The following RXFP1 variants were observed in gnomAD, a reference collection of about 807,000 sequenced individuals.
RXFP1 encodes relaxin receptor 1.
A neutral mutation model predicts 89.8 loss-of-function variants in RXFP1; 73 were observed. That is an observed-to-expected ratio of 0.81 (90% CI 0.67 to 0.99). The LOEUF is 0.99. Among genes scored for constraint, RXFP1 ranks in the 50% least tolerant of loss-of-function variants. RXFP1 has a pLI of 0.00. For missense variants in RXFP1, 793 were observed against 895.5 expected (o/e 0.89, Z 1.46); for synonymous variants, 277 against 305.5 (o/e 0.91, Z 0.97).
chr4:158,607,109 C>G (rs1278655059), intron 5 of RXFP1: 5 of 1,535,930 alleles, frequency 3.3e-6, no homozygotes, highest in Non-Finnish European at 4.4e-6. Context: ...GAAATCCTTA[C>G]TTTATCATTC....
chr4:158,640,704 AGT>A (rs1348624328), intron 14 of RXFP1, among the ~76,000 whole-genome samples: 2 of 152,212 alleles, frequency 1.3e-5, no homozygotes, highest in African/African-American at 4.8e-5. Flanking sequence ...TGAGATTTGG[AGT>A]AGACAAATAT....
chr4:158,628,118 C>T (rs539488783), intron 10 of RXFP1, among the ~76,000 whole-genome samples: 1 of 152,290 alleles, frequency 6.6e-6, no homozygotes, highest in South Asian at 2.1e-4. Context: ...GCTGGTAACA[C>T]ATGAGATCAG....
Position 158,572,801 on chromosome 4 carries a change from C to T in RXFP1, c.153C>T (p.Asp51=), listed in dbSNP as rs1361572474. The change falls in exon 2 of 18, where the codon GAC becomes GAT. Residue 51 remains aspartate, a synonymous_variant. Transcript: ENST00000307765. ...LPQLLHCNGV[D]DCGNQADEDN... ...AGCTCCTGCACTGTAACGGTGTGGA[C>T]GACTGCGGGAATCAGGCCGATGAGG... The T allele has an allele frequency of 5.0e-6, 8 of 1,613,992 alleles. No individual in the cohort carries two copies. The highest frequency in any genetic ancestry group is 1.7e-5 in the Admixed American group (1 of 59,990).
rs200084407 is a variant in RXFP1, at chr4:158,646,840, C to T, written c.1395C>T (p.Asp465=). ...ATTTATTCGTGATCGGAGGCTTTGA[C>T]CTAAAGTTTCGTGGAGAATACAATA... The part of the protein sequence containing the change: ...GIYLFVIGGF[D]LKFRGEYNKH... Residue 465 remains aspartate, a synonymous_variant, in exon 16 of 18, where the codon GAC becomes GAT. Transcript: ENST00000307765. 5 of 1,613,818 alleles carry T rather than the reference C, an allele frequency of 3.1e-6. No individual in the cohort carries two copies. The highest frequency in any genetic ancestry group is 4.2e-6 in the Non-Finnish European group (5 of 1,179,860).
rs555206270 is a variant in RXFP1 at position 158,652,373 on chromosome 4, T to C, written c.*318T>C. 89 of 209,984 alleles carry C rather than the reference T, an allele frequency of 4.2e-4. No individual in the cohort carries two copies. The highest frequency in any genetic ancestry group is 5.3e-4 in the African/African-American group (23 of 43,046). 13.0% of individuals were successfully genotyped at this position (209,984 alleles called of 1,614,324 possible). A position where few individuals can be genotyped will look rare whatever the true frequency, so the allele number is the denominator to read the frequency against. On this transcript the variant is annotated 3_prime_UTR_variant, in exon 18 of 18. Transcript: ENST00000307765. ...TAGCATTGCAATATAGTCCTGGAAG[T>C]AGACAGTGCAGAACCTTTCAATCTG...
chr4:158,524,958 C>G (rs916446038), intron 1 of RXFP1, among the ~76,000 whole-genome samples: 5 of 152,166 alleles, frequency 3.3e-5, no homozygotes, highest in African/African-American at 1.2e-4. Flanking sequence ...TTAGTAAGGT[C>G]TTCTCTTTCA....
intron 3 of RXFP1, among the ~76,000 whole-genome samples, chr4:158,594,130 G>C (rs1188853491): frequency 6.6e-6 from 1 of 152,110 alleles, no homozygotes; most frequent in African/African-American, 2.4e-5. Context: ...TTTGACCCTA[G>C]CTTTTCAAAA....
At chr4:158,550,220 C>G (rs781387556) in intron 1 of RXFP1, among the ~76,000 whole-genome samples, 1 of 152,190 alleles carries the variant, frequency 6.6e-6, no homozygotes, top group Admixed American at 6.5e-5. Flanking sequence ...TAGCAATCAG[C>G]GAGACTCCGT....
rs1384053554 is a variant in RXFP1 at position 158,543,290 on chromosome 4, A to T, written c.49+21265A>T. Among the ~76,000 whole-genome samples the T allele has an allele frequency of 2.6e-5, 4 of 152,092 alleles. No homozygotes were observed. The East Asian group carries it at 5.8e-4, about 22-fold the overall frequency. On this transcript the variant is annotated intron_variant, in intron 1 of 17. Coordinates refer to ENST00000307765, the MANE Select transcript of RXFP1 (RefSeq NM_021634.4). ...AATAGATGGAAAGATGGCTACTGTC[A>T]CTCCAGACATCAAGTTCATGTTCAA...
chr4:158,572,980 G>T, intron 2 of RXFP1, 145 bp downstream of exon 2: 3 of 1,209,006 alleles, frequency 2.5e-6, no homozygotes, highest in African/African-American at 1.5e-5. Context: ...ACTTATTTCA[G>T]TAGCTTAAAA....
intron 1 of RXFP1, among the ~76,000 whole-genome samples, chr4:158,527,123 T>C (rs1455551166): frequency 6.6e-6 from 1 of 152,190 alleles, no homozygotes; most frequent in Non-Finnish European, 1.5e-5. Flanking sequence ...ATACATTCTT[T>C]AATAGTAAGA....
At chr4:158,563,850 CATTAT>C (rs902537656) in intron 1 of RXFP1, among the ~76,000 whole-genome samples, 5 of 147,600 alleles carry the variant, frequency 3.4e-5, no homozygotes, top group Non-Finnish European at 7.5e-5. Context: ...AATGTTATAA[CATTAT>C]ATTATATAAT....
At chr4:158,543,994 C>A (rs1747528116) in intron 1 of RXFP1, 1 of 985,402 alleles carries the variant, frequency 1.0e-6, no homozygotes, top group African/African-American at 1.7e-5. Flanking sequence ...GTCCATTTTG[C>A]CCCTACCTTG....
chr4:158,606,284 C>T (rs1762521266), intron 5 of RXFP1, among the ~76,000 whole-genome samples: 1 of 152,194 alleles, frequency 6.6e-6, no homozygotes, highest in African/African-American at 2.4e-5. Context: ...AGTGGCTTAG[C>T]ATTTTTGCAC....
chr4:158,583,135 C>T (rs1221353676), intron 2 of RXFP1, among the ~76,000 whole-genome samples: 15 of 152,148 alleles, frequency 9.9e-5, no homozygotes, highest in Non-Finnish European at 2.1e-4. Context: ...TGGCTTGGCA[C>T]TTACTAATCC....
intron 1 of RXFP1, among the ~76,000 whole-genome samples, chr4:158,533,318 G>A (rs909119651): frequency 6.6e-6 from 1 of 152,168 alleles, no homozygotes; most frequent in African/African-American, 2.4e-5. Flanking sequence ...ATAAAGTACA[G>A]TCTAAATTTC....
chr4:158,644,803 C>G (rs1771195976), intron 14 of RXFP1, 106 bp from the exon 15 acceptor site: 1 of 765,732 alleles, frequency 1.3e-6, no homozygotes. Flanking sequence ...TCAATTTCAT[C>G]TTAAGACATT....
chr4:158,622,912 T>G (rs1040744204), intron 9 of RXFP1, among the ~76,000 whole-genome samples: 31 of 152,190 alleles, frequency 2.0e-4, no homozygotes, highest in African/African-American at 6.8e-4. Flanking sequence ...ATTTGCTTGG[T>G]TGTAGTAATC....
chr4:158,548,200 T>C (rs1020084774), intron 1 of RXFP1, among the ~76,000 whole-genome samples: 10 of 152,250 alleles, frequency 6.6e-5, no homozygotes, highest in African/African-American at 1.9e-4. Flanking sequence ...TTTACCATTA[T>C]GTAATGGCCT....
Sources: allele counts gnomAD v4.1 joint callset (sites outside exome capture counted in the v4.1 genomes callset), GRCh38; gene constraint gnomAD v4.1.1; transcripts MANE v1.5; gene names NCBI Gene and HGNC (gene_info 2026-07-23, HGNC 2026-07-21).